AXDND1: variants seen among roughly 807,000 people sequenced by gnomAD.
AXDND1 encodes the protein axonemal dynein light chain domain-containing protein 1.
AXDND1 carries 110 observed loss-of-function variants against 137.5 expected under a neutral mutation model. That is an observed-to-expected ratio of 0.80 (90% CI 0.69 to 0.94). The LOEUF is 0.94. Ranked by LOEUF, AXDND1 falls within the 40% of genes least tolerant of loss-of-function variation. The pLI is 0.00. For missense variants in AXDND1, 1,191 were observed against 1,169.8 expected (o/e 1.02, Z -0.26); for synonymous variants, 414 against 399.7 (o/e 1.04, Z -0.43).
At chr1:179,480,907 G>T (rs115480638) in intron 17 of AXDND1, among the ~76,000 whole-genome samples, 2,009 of 138,830 alleles carry the variant, frequency 0.014, 52 homozygotes, top group African/African-American at 0.05. Flanking sequence ...TTTCTTTTTT[G>T]TTTGTTTGTT....
At chr1:179,451,836 A>G (rs765170350) in intron 16 of AXDND1, 1 of 153,336 alleles carries the variant, frequency 6.5e-6, no homozygotes, top group Non-Finnish European at 1.5e-5. Flanking sequence ...CTATAAGTCC[A>G]ATAAACCCCT....
intron 9 of AXDND1, among the ~76,000 whole-genome samples, chr1:179,387,519 G>A (rs1649413574): frequency 2.0e-5 from 3 of 152,238 alleles, no homozygotes; most frequent in African/African-American, 4.8e-5. Flanking sequence ...CACTAGTTAT[G>A]AGGGGAGAAA....
intron 15 of AXDND1, among the ~76,000 whole-genome samples, chr1:179,440,151 G>T (rs1461616385): frequency 6.6e-6 from 1 of 152,146 alleles, no homozygotes; most frequent in East Asian, 1.9e-4. Context: ...AACATGCATT[G>T]TAATGTTTGA....
At chr1:179,392,310 T>G (rs1404009207) in intron 9 of AXDND1, among the ~76,000 whole-genome samples, 1 of 152,250 alleles carries the variant, frequency 6.6e-6, no homozygotes, top group Non-Finnish European at 1.5e-5. Context: ...TTATTTCATT[T>G]CATCTTATAG....
intron 7 of AXDND1, 100 bp from the exon 8 acceptor site, chr1:179,383,342 G>A (rs1437826512): frequency 1.2e-6 from 1 of 830,354 alleles, no homozygotes; most frequent in South Asian, 1.7e-5. Flanking sequence ...ATATCCCAGA[G>A]AGCATATATA....
At chr1:179,370,372 T>G (rs546385180) in intron 4 of AXDND1, among the ~76,000 whole-genome samples, 7 of 152,340 alleles carry the variant, frequency 4.6e-5, no homozygotes, top group Non-Finnish European at 2.9e-5. Context: ...TGTACCCTAG[T>G]AAAAGGGACA....
At chr1:179,462,884 T>C (rs1662565018) in intron 16 of AXDND1, among the ~76,000 whole-genome samples, 1 of 152,220 alleles carries the variant, frequency 6.6e-6, no homozygotes, top group African/African-American at 2.4e-5. Flanking sequence ...TATCCATTTC[T>C]TCTAGATTTT....
intron 11 of AXDND1, among the ~76,000 whole-genome samples, chr1:179,401,515 A>C (rs922744247): frequency 1.2e-4 from 18 of 152,162 alleles, no homozygotes; most frequent in African/African-American, 4.3e-4. Flanking sequence ...AAATGTACCT[A>C]AGATCTAAAT....
chr1:179,457,529 T>C (rs1352059284), intron 16 of AXDND1, among the ~76,000 whole-genome samples: 1 of 152,238 alleles, frequency 6.6e-6, no homozygotes, highest in Non-Finnish European at 1.5e-5. Flanking sequence ...GTGTTATTTT[T>C]GTTTGTGTTT....
chr1:179,486,139 A>AAAAAAAAAAAAAACT lies in AXDND1; in HGVS notation c.2091+2920_2091+2921insAAAAAAAAAAACTAA, dbSNP rs149119239. Among the ~76,000 whole-genome samples, 29 of 87,798 alleles carry AAAAAAAAAAAAAACT rather than the reference A, an allele frequency of 3.3e-4. 1 individual carries two copies. Among genetic ancestry groups the AAAAAAAAAAAAAACT allele is most frequent in the East Asian group, 1.8e-3 (3 of 1,706 alleles). The allele number at this position is 87,798 out of a possible 152,430, so 57.6% of individuals were successfully genotyped here. A position where few individuals can be genotyped will look rare whatever the true frequency, so the allele number is the denominator to read the frequency against. ...TGTCTCAAAAAAAAAAAAAAAAAAAAAACCTGATAGAAATGAAAAACACAC... is the reference window on the plus strand; with the variant it reads ...TGTCTCAAAAAAAAAAAAAAAAAAAAAAAAAAAAAAAAACTAACCTGATAGAAATGAAAAACACAC... On this transcript the variant is annotated intron_variant, in intron 18 of 25. Transcript: ENST00000367618.
At chr1:179,380,610 A>G (rs576370080) in intron 6 of AXDND1, among the ~76,000 whole-genome samples, 1 of 152,326 alleles carries the variant, frequency 6.6e-6, no homozygotes, top group East Asian at 1.9e-4. Flanking sequence ...AATGTTTTAT[A>G]GTTTAGAAAA....
chr1:179,553,742 G>A (rs1244120968), intron 25 of AXDND1, among the ~76,000 whole-genome samples: 2 of 151,988 alleles, frequency 1.3e-5, no homozygotes, highest in African/African-American at 4.8e-5. Flanking sequence ...GCAAAAATGT[G>A]ACATTTCTTT....
intron 16 of AXDND1, chr1:179,450,849 A>G (rs934116926): frequency 6.6e-6 from 1 of 152,300 alleles, no homozygotes; most frequent in Non-Finnish European, 1.5e-5. Flanking sequence ...CCTTGAGCCC[A>G]GGAGTTAGAG....
chr1:179,551,304 G>A (rs1214047676), intron 25 of AXDND1: 2 of 1,614,146 alleles, frequency 1.2e-6, no homozygotes, highest in East Asian at 2.2e-5. Flanking sequence ...AATGGCAAAG[G>A]TAAAACCACA....
chr1:179,500,330 G>A (rs1667867854), intron 20 of AXDND1, among the ~76,000 whole-genome samples: 2 of 133,142 alleles, frequency 1.5e-5, no homozygotes. Flanking sequence ...TAATTGCAGG[G>A]TACATTATGT....
At chr1:179,435,482 C>T (rs1658010963) in intron 15 of AXDND1, among the ~76,000 whole-genome samples, 1 of 152,028 alleles carries the variant, frequency 6.6e-6, no homozygotes, top group African/African-American at 2.4e-5. Flanking sequence ...GGTACTGGTA[C>T]CAAAACAGAC....
intron 15 of AXDND1, among the ~76,000 whole-genome samples, chr1:179,440,546 T>TTA (rs1292889892): frequency 6.6e-6 from 1 of 152,194 alleles, no homozygotes; most frequent in Non-Finnish European, 1.5e-5. Context: ...CTGGCTTGTA[T>TTA]TATAGCCCTA....
Position 179,394,010 on chromosome 1 carries a change from A to G in AXDND1, c.971A>G (p.Tyr324Cys), listed in dbSNP as rs752752345. Residue 324 changes from tyrosine to cysteine, a missense_variant, in exon 10 of 26, where the codon TAT becomes TGT. Physicochemically the swap from Tyr to Cys is radical, Grantham distance 194. Coordinates refer to ENST00000367618, the MANE Select transcript of AXDND1 (RefSeq NM_144696.6). Reference sequence around the variant, plus strand: ...GACCAGCGCATTTTAGAAGAATTGTATAATTTCAAGCATGTTATTGAAGAA... The same window carrying G: ...GACCAGCGCATTTTAGAAGAATTGTGTAATTTCAAGCATGTTATTGAAGAA... The part of the protein sequence containing the change: ...VMDQRILEEL[Y>C]NFKHVIEELT... 1.3e-5 allele frequency: 21 copies of G among 1,609,336 alleles called. No homozygotes were observed. In the Admixed American group the frequency reaches 2.2e-4, roughly 17 times the overall value.
At chr1:179,381,494 C>T (rs2125087095) in intron 6 of AXDND1, among the ~76,000 whole-genome samples, 1 of 151,778 alleles carries the variant, frequency 6.6e-6, no homozygotes, top group South Asian at 2.1e-4. Flanking sequence ...CAGGTGCCTG[C>T]CACCATGCCC....
Sources: gnomAD v4.1 joint callset for allele counts (sites outside exome capture counted in the v4.1 genomes callset) on GRCh38, gnomAD v4.1.1 for gene constraint, MANE v1.5 for transcripts, NCBI Gene and HGNC (gene_info 2026-07-23, HGNC 2026-07-21) for gene names.